CDC14B: variants seen among roughly 807,000 people sequenced by gnomAD.
CDC14B encodes the protein cell division cycle 14B.
Under a neutral mutation model 64.2 loss-of-function variants are expected in CDC14B, and 22 were observed. That is an observed-to-expected ratio of 0.34 (90% CI 0.24 to 0.49). The LOEUF (loss-of-function observed/expected upper bound fraction) is 0.49. CDC14B is among the 20% of genes least tolerant of loss of function. The pLI, the probability that CDC14B is intolerant of heterozygous loss-of-function variation, is 0.99. For missense variants in CDC14B, 498 were observed against 629.9 expected, an observed-to-expected ratio of 0.79 and a Z score of 2.24; for synonymous variants, 191 against 215.8, an observed-to-expected ratio of 0.89 and a Z score of 1.01.
chr9:96,544,201 G>C (rs976835152), intron 5 of CDC14B, among the ~76,000 whole-genome samples: 13 of 152,190 alleles, frequency 8.5e-5, no homozygotes, highest in East Asian at 5.8e-4. Flanking sequence ...CCTGGTGACA[G>C]AGCGAGACTC....
At chr9:96,522,447 C>T in intron 12 of CDC14B, 59 bp downstream of exon 12, 1 of 1,119,352 alleles carries the variant, frequency 8.9e-7, no homozygotes, top group Non-Finnish European at 1.4e-6. Context: ...AAAACCCTCA[C>T]CAAGGACCCC....
intron 5 of CDC14B, among the ~76,000 whole-genome samples, chr9:96,546,878 C>A (rs988218670): frequency 5.9e-5 from 9 of 151,952 alleles, no homozygotes; most frequent in Middle Eastern, 3.4e-3. Context: ...CTGGCTAACA[C>A]AGTGAAACCC....
downstream of CDC14B, among the ~76,000 whole-genome samples, chr9:96,499,366 C>T (rs747877181): frequency 6.6e-6 from 1 of 152,204 alleles, no homozygotes; most frequent in Non-Finnish European, 1.5e-5. Context: ...GGACACTGAG[C>T]CCTTGGGGTC....
chr9:96,500,712 T>A lies in CDC14B; in HGVS notation c.*3041A>T, dbSNP rs1437272241. On this transcript the variant is annotated 3_prime_UTR_variant, in exon 14 of 14. Transcript: ENST00000375241. ...AATAGGTTTTAAAAGTTGCTTTTGA[T>A]GAGCACTGCTTTCCAAAATGCAATA... The A allele has an allele frequency of 6.6e-6, 1 of 152,474 alleles. No homozygotes were observed. 9.4% of individuals were successfully genotyped at this position (152,474 alleles called of 1,614,324 possible).
intron 1 of CDC14B, among the ~76,000 whole-genome samples, chr9:96,608,828 C>T (rs914620989): frequency 1.7e-4 from 26 of 151,688 alleles, no homozygotes; most frequent in African/African-American, 6.0e-4. Context: ...TTAACATATA[C>T]TTATATATGA....
chr9:96,517,219 G>A (rs1424797116), intron 12 of CDC14B, among the ~76,000 whole-genome samples: 1 of 151,136 alleles, frequency 6.6e-6, no homozygotes, highest in East Asian at 2.0e-4. Flanking sequence ...GCATATGCCT[G>A]TAATCCCAGC....
intron 1 of CDC14B, among the ~76,000 whole-genome samples, chr9:96,585,431 G>A (rs1237479018): frequency 6.6e-6 from 1 of 151,864 alleles, no homozygotes; most frequent in East Asian, 1.9e-4. Flanking sequence ...TCATTGTAAG[G>A]TACATATTGA....
chr9:96,534,179 A>T, intron 8 of CDC14B, 22 bp from the exon 9 acceptor site: 1 of 1,426,818 alleles, frequency 7.0e-7, no homozygotes, highest in Non-Finnish European at 9.7e-7. Context: ...AATGCACCAG[A>T]TCTTATAAAA....
intron 12 of CDC14B, among the ~76,000 whole-genome samples, chr9:96,520,151 T>C (rs1564227023): frequency 6.6e-6 from 1 of 152,236 alleles, no homozygotes; most frequent in East Asian, 1.9e-4. Flanking sequence ...GGAGATTTGC[T>C]GAGACTCATC....
chr9:96,510,195 A>T (rs879171784), intron 12 of CDC14B, among the ~76,000 whole-genome samples: 1 of 152,224 alleles, frequency 6.6e-6, no homozygotes, highest in Admixed American at 6.5e-5. Flanking sequence ...TTAGGAAATA[A>T]CTATACAATA....
intron 1 of CDC14B, among the ~76,000 whole-genome samples, chr9:96,576,458 C>T (rs1844807336): frequency 6.6e-6 from 1 of 151,474 alleles, no homozygotes; most frequent in African/African-American, 2.4e-5. Context: ...TCACAAAACC[C>T]CTTCTCTACT....
chr9:96,599,745 T>TC (rs1846310338), intron 1 of CDC14B, among the ~76,000 whole-genome samples: 1 of 152,114 alleles, frequency 6.6e-6, no homozygotes, highest in Non-Finnish European at 1.5e-5. Flanking sequence ...TCTTTTGTTT[T>TC]CTTTTTTTTT....
chr9:96,539,689 C>A (rs1839773835), intron 6 of CDC14B, among the ~76,000 whole-genome samples: 1 of 151,996 alleles, frequency 6.6e-6, no homozygotes, highest in African/African-American at 2.4e-5. Context: ...ACACTAAAAT[C>A]AAAACTTTTG....
chr9:96,506,089 C>T (rs1241655565), intron 13 of CDC14B, among the ~76,000 whole-genome samples: 1 of 152,176 alleles, frequency 6.6e-6, no homozygotes, highest in Non-Finnish European at 1.5e-5. Flanking sequence ...AATGGAAGGT[C>T]AAGTTCCCAT....
At chr9:96,610,449 C>T (rs1408265363) in intron 1 of CDC14B, among the ~76,000 whole-genome samples, 3 of 152,126 alleles carry the variant, frequency 2.0e-5, no homozygotes, top group African/African-American at 7.2e-5. Context: ...CCACCCGCCT[C>T]GGCCTCCTAA....
chr9:96,607,391 C>T lies in CDC14B; in HGVS notation c.160+11828G>A, dbSNP rs866581509. On this transcript the variant is annotated intron_variant, in intron 1 of 13. Coordinates refer to ENST00000375241, the MANE Select transcript of CDC14B (RefSeq NM_033331.4). ...TTCATTTTGGAGCAAAGCTGTTATTCACTTCAGGTTAAACGTGATGTCTTT... is the reference window on the plus strand; with the variant it reads ...TTCATTTTGGAGCAAAGCTGTTATTTACTTCAGGTTAAACGTGATGTCTTT... 1.6e-3 allele frequency among the ~76,000 whole-genome samples: 205 copies of T among 125,612 alleles called. 2 individuals are homozygous for T. Among genetic ancestry groups the T allele is most frequent in the African/African-American group, 5.8e-3 (197 of 34,090 alleles). The allele number at this position is 125,612 out of a possible 152,430, so 82.4% of individuals were successfully genotyped here.
chr9:96,590,737 C>CT (rs143224133), intron 1 of CDC14B, among the ~76,000 whole-genome samples: 7 of 150,056 alleles, frequency 4.7e-5, no homozygotes, highest in African/African-American at 1.5e-4. Flanking sequence ...CAGTGAGCAT[C>CT]TTTTTTCTTT....
intron 9 of CDC14B, among the ~76,000 whole-genome samples, chr9:96,532,678 T>C (rs999394524): frequency 2.0e-5 from 3 of 152,172 alleles, no homozygotes; most frequent in African/African-American, 7.2e-5. Flanking sequence ...TCCTCAGACT[T>C]GCTAATTCTT....
chr9:96,492,197 C>T (rs1433284236), exon 14 of CDC14B: 1 of 152,306 alleles, frequency 6.6e-6, no homozygotes, highest in Non-Finnish European at 1.5e-5. Flanking sequence ...CCGATGAGGG[C>T]TGTCGTCCCC....
Sources: gnomAD v4.1 joint callset for allele counts (sites outside exome capture counted in the v4.1 genomes callset) on GRCh38, gnomAD v4.1.1 for gene constraint, MANE v1.5 for transcripts, NCBI Gene and HGNC (gene_info 2026-07-23, HGNC 2026-07-21) for gene names.